MBD5: variants seen among roughly 807,000 people sequenced by gnomAD.
The protein encoded by MBD5 is methyl-CpG binding domain protein 5.
MBD5 carries 13 observed loss-of-function variants against 117.3 expected under a neutral mutation model. The observed-to-expected ratio is 0.11, with a 90% CI of 0.07 to 0.18. The LOEUF (loss-of-function observed/expected upper bound fraction) is 0.18. MBD5 is among the 10% of genes least tolerant of loss of function. The probability of loss-of-function intolerance (pLI) is 1.00; values close to 1 mark genes in which losing one functional copy is unlikely to be tolerated. For missense variants in MBD5, 1,879 were observed against 2,093.8 expected (o/e 0.90, Z 2.00); for synonymous variants, 727 against 766.4 (o/e 0.95, Z 0.85).
chr2:148,270,074 A>G, intron 3 of MBD5, among the ~76,000 whole-genome samples: 1 of 151,962 alleles, frequency 6.6e-6, no homozygotes, highest in South Asian at 2.1e-4. Flanking sequence ...TTATTTTTAT[A>G]TTCTATAAAT....
chr2:148,288,399 CAAA>C (rs569673565), intron 3 of MBD5, among the ~76,000 whole-genome samples: 2 of 37,776 alleles, frequency 5.3e-5, no homozygotes. Flanking sequence ...GACTCCGTCT[CAAA>C]AAAAAAAAAA....
chr2:148,204,692 T>C (rs1372427624), intron 2 of MBD5, among the ~76,000 whole-genome samples: 3 of 152,224 alleles, frequency 2.0e-5, no homozygotes, highest in Admixed American at 6.5e-5. Flanking sequence ...GAAAGGAAAG[T>C]GTTTAATATT....
chr2:148,155,232 G>T (rs999811853), intron 1 of MBD5, among the ~76,000 whole-genome samples: 1 of 152,176 alleles, frequency 6.6e-6, no homozygotes, highest in Non-Finnish European at 1.5e-5. Flanking sequence ...TACCATTTAA[G>T]CAAAGATCTG....
intron 3 of MBD5, among the ~76,000 whole-genome samples, chr2:148,320,474 C>G (rs1289764436): frequency 6.6e-6 from 1 of 152,110 alleles, no homozygotes; most frequent in African/African-American, 2.4e-5. Context: ...CCATTTCACC[C>G]TCCCAAGTAG....
At chr2:148,463,608 T>C in intron 6 of MBD5, 131 bp from the exon 7 acceptor site, 1 of 1,102,708 alleles carries the variant, frequency 9.1e-7, no homozygotes, top group South Asian at 1.4e-5. Flanking sequence ...AAGTTGCCTT[T>C]CTTAAAAACT....
intron 4 of MBD5, among the ~76,000 whole-genome samples, chr2:148,454,504 A>G (rs527256013): frequency 2.6e-5 from 4 of 152,314 alleles, no homozygotes; most frequent in East Asian, 3.9e-4. Context: ...ACCAGTATTT[A>G]TATAAAATTT....
At chr2:148,035,201 C>T (rs1019660840) in intron 1 of MBD5, among the ~76,000 whole-genome samples, 2 of 151,650 alleles carry the variant, frequency 1.3e-5, no homozygotes, top group Admixed American at 6.6e-5. Context: ...TTATTAATAA[C>T]AAAATATCAC....
chr2:148,221,608 A>T (rs542107490), intron 2 of MBD5, among the ~76,000 whole-genome samples: 1 of 152,034 alleles, frequency 6.6e-6, no homozygotes, highest in Non-Finnish European at 1.5e-5. Flanking sequence ...TTTTAATCAG[A>T]TTATCAGATT....
At position 148,308,487 on chromosome 2, in the gene MBD5, C is replaced by CTTTTTT. The variant is rs1701948279; in HGVS notation, c.-679-33724_-679-33723insTTTTTT. 1.1e-4 allele frequency among the ~76,000 whole-genome samples: 3 copies of CTTTTTT among 27,698 alleles called. 1 individual carries two copies. Among genetic ancestry groups the CTTTTTT allele is most frequent in the Non-Finnish European group, 9.6e-5 (1 of 10,414 alleles). 18.2% of individuals were successfully genotyped at this position (27,698 alleles called of 152,430 possible). A position where few individuals can be genotyped will look rare whatever the true frequency, so the allele number is the denominator to read the frequency against. The stretch of plus-strand genomic sequence containing the variant: ...ACTTCTCCCACTTTTTGATGGGGTT[C>CTTTTTT]TTTCTTTTTTTTTTTTTTTTTTTTT... On this transcript the variant is annotated intron_variant, in intron 3 of 13. Transcript: ENST00000642680.
chr2:148,043,284 A>AAAT (rs1558899847), intron 1 of MBD5, among the ~76,000 whole-genome samples: 1 of 150,710 alleles, frequency 6.6e-6, no homozygotes, highest in East Asian at 1.9e-4. Context: ...AAAAAATAAA[A>AAAT]AAATAAATAA....
In MBD5 at chr2:148,389,793, T is replaced by A. The variant is rs182889926; in HGVS notation, c.-557+47457T>A. The stretch of plus-strand genomic sequence containing the variant: ...TTTAATGGAGTTATTCACTTTTTTC[T>A]TGTTGATTTGTTTAACTTCCTTATA... On this transcript the variant is annotated intron_variant, in intron 4 of 13. Transcript: ENST00000642680. Among the ~76,000 whole-genome samples the A allele has an allele frequency of 3.1e-4, 47 of 152,292 alleles. 1 individual carries two copies. In the East Asian group the frequency reaches 7.9e-3, roughly 26 times the overall value.
chr2:148,117,967 G>A (rs1317700937), intron 1 of MBD5, among the ~76,000 whole-genome samples: 1 of 152,098 alleles, frequency 6.6e-6, no homozygotes, highest in Non-Finnish European at 1.5e-5. Flanking sequence ...CCAGCACATG[G>A]GGTAAAAGTT....
At chr2:148,252,889 C>A (rs1700499598) in intron 3 of MBD5, among the ~76,000 whole-genome samples, 1 of 152,146 alleles carries the variant, frequency 6.6e-6, no homozygotes. Flanking sequence ...TAGCCATGAG[C>A]ATGTTTATTG....
intron 4 of MBD5, chr2:148,347,082 C>T (rs971668751): frequency 6.6e-6 from 1 of 152,014 alleles, no homozygotes; most frequent in African/African-American, 2.4e-5. Flanking sequence ...TATATACTAA[C>T]TTTAGATGGA....
At position 148,239,201 on chromosome 2, in the gene MBD5, CTA is replaced by C. The variant is rs1419467903; in HGVS notation, c.-680+5807_-680+5808del. ...ACTTGTGATAAGACATGATCTATGA[CTA>C]GATCTACATGTTTTGCCTAGTGATA... On this transcript the variant is annotated intron_variant, in intron 3 of 13. Coordinates refer to ENST00000642680, the MANE Select transcript of MBD5 (RefSeq NM_001378120.1). Among the ~76,000 whole-genome samples the C allele has an allele frequency of 2.0e-5, 3 of 152,102 alleles. No individual in the cohort carries two copies. In the East Asian group the frequency reaches 5.8e-4, roughly 29 times the overall value.
intron 4 of MBD5, among the ~76,000 whole-genome samples, chr2:148,366,195 C>A (rs952724738): frequency 6.6e-6 from 1 of 152,018 alleles, no homozygotes; most frequent in Admixed American, 6.6e-5. Flanking sequence ...TAAATGCAAT[C>A]CATGACATAA....
rs760694122 is a variant in MBD5 at position 148,468,907 on chromosome 2, G to C, written c.964G>C (p.Glu322Gln). The C allele has an allele frequency of 6.2e-7, 1 of 1,613,742 alleles. No homozygotes were observed. Among genetic ancestry groups the C allele is most frequent in the African/African-American group, 1.3e-5 (1 of 74,966 alleles). ...AATGTGTAATTTTTCAACTAATATG[G>C]AAATACCACGAGCAATGTTCCACCA... ...KPMCNFSTNM[E>Q]IPRAMFHHKP... is the part of the protein sequence containing the mutation. The change falls in exon 8 of 14, where the codon GAA becomes CAA. Residue 322 changes from glutamate (E) to glutamine (Q), a missense_variant. Physicochemically the swap from Glu to Gln is conservative, Grantham distance 29 (BLOSUM62 2). Transcript: ENST00000642680.
chr2:148,152,469 G>T (rs528859010), intron 1 of MBD5, among the ~76,000 whole-genome samples: 1 of 152,000 alleles, frequency 6.6e-6, no homozygotes, highest in South Asian at 2.1e-4. Context: ...TTGCTGCAGA[G>T]CTGAGTTCAA....
chr2:148,455,148 G>C (rs1706844377), intron 4 of MBD5, among the ~76,000 whole-genome samples: 1 of 152,028 alleles, frequency 6.6e-6, no homozygotes, highest in African/African-American at 2.4e-5. Flanking sequence ...CACAAGATGA[G>C]TGTTGCGAAA....
Sources: allele counts gnomAD v4.1 joint callset (sites outside exome capture counted in the v4.1 genomes callset), GRCh38; gene constraint gnomAD v4.1.1; transcripts MANE v1.5; gene names NCBI Gene and HGNC (gene_info 2026-07-23, HGNC 2026-07-21).